Variants in CREB5 observed in about 807,000 individuals in gnomAD.
CREB5 encodes cAMP responsive element binding protein 5.
A neutral mutation model predicts 57.1 loss-of-function variants in CREB5; 19 were observed. The observed-to-expected ratio is 0.33, with a 90% CI of 0.23 to 0.49. The LOEUF is 0.49. Among genes scored for constraint, CREB5 ranks in the 20% least tolerant of loss-of-function variants. The pLI, the probability that CREB5 is intolerant of heterozygous loss-of-function variation, is 0.99. For missense variants in CREB5, 579 were observed against 671.6 expected (o/e 0.86, Z 1.52); for synonymous variants, 238 against 238.3 (o/e 1.00, Z 0.01).
intron 4 of CREB5, among the ~76,000 whole-genome samples, chr7:28,547,198 G>A (rs773275541): frequency 5.3e-5 from 8 of 152,152 alleles, no homozygotes; most frequent in Non-Finnish European, 1.0e-4. Context: ...TAGTCTATGC[G>A]TATTTAATTT....
At chr7:28,589,594 T>A (rs1366399299) in intron 5 of CREB5, among the ~76,000 whole-genome samples, 1 of 152,114 alleles carries the variant, frequency 6.6e-6, no homozygotes, top group African/African-American at 2.4e-5. Flanking sequence ...GAGTTGATAT[T>A]TCTTTGTGGT....
chr7:28,806,228 T>C (rs1257046537), intron 8 of CREB5, among the ~76,000 whole-genome samples: 1 of 152,240 alleles, frequency 6.6e-6, no homozygotes, highest in Non-Finnish European at 1.5e-5. Flanking sequence ...CAATAGTATA[T>C]GCAATTAGTT....
intron 1 of CREB5, among the ~76,000 whole-genome samples, chr7:28,393,149 ACTC>A (rs1787257234): frequency 6.6e-6 from 1 of 151,616 alleles, no homozygotes; most frequent in African/African-American, 2.4e-5. Context: ...CTGGTCTTGA[ACTC>A]CTCACCTCAG....
intron 7 of CREB5, among the ~76,000 whole-genome samples, chr7:28,761,074 A>C (rs1805615175): frequency 6.6e-6 from 1 of 152,168 alleles, no homozygotes; most frequent in Non-Finnish European, 1.5e-5. Flanking sequence ...TTAAACCAAA[A>C]TGAATATCGT....
chr7:28,479,665 A>C (rs143658952), intron 1 of CREB5, among the ~76,000 whole-genome samples: 1 of 152,332 alleles, frequency 6.6e-6, no homozygotes, highest in East Asian at 1.9e-4. Flanking sequence ...TCAGAACACA[A>C]CTGCTGGCTA....
chr7:28,616,692 T>C (rs1157533805), intron 5 of CREB5, among the ~76,000 whole-genome samples: 1 of 152,194 alleles, frequency 6.6e-6, no homozygotes, highest in Non-Finnish European at 1.5e-5. Context: ...TTCTATTTGT[T>C]TTAAACAAAT....
At chr7:28,596,582 A>G (rs796126660) in intron 5 of CREB5, among the ~76,000 whole-genome samples, 29 of 152,296 alleles carry the variant, frequency 1.9e-4, no homozygotes, top group African/African-American at 6.3e-4. Flanking sequence ...TCCTTTTGCT[A>G]TAAGTGAAGT....
chr7:28,449,075 G>A (rs1789650659), intron 1 of CREB5, among the ~76,000 whole-genome samples: 1 of 150,566 alleles, frequency 6.6e-6, no homozygotes, highest in African/African-American at 2.4e-5. Flanking sequence ...TTTTGTTCAA[G>A]TTTCTTCTTC....
chr7:28,404,505 T>G (rs913559430), intron 1 of CREB5, among the ~76,000 whole-genome samples: 2 of 152,186 alleles, frequency 1.3e-5, no homozygotes, highest in African/African-American at 4.8e-5. Flanking sequence ...TCCTGAGGCA[T>G]CATGAGCAAG....
intron 1 of CREB5, among the ~76,000 whole-genome samples, chr7:28,345,632 C>T (rs940702272): frequency 6.6e-6 from 1 of 152,156 alleles, no homozygotes; most frequent in African/African-American, 2.4e-5. Flanking sequence ...ACTAGACACA[C>T]TGTTCAAGGG....
intron 7 of CREB5, among the ~76,000 whole-genome samples, chr7:28,730,980 C>T (rs948716370): frequency 1.3e-5 from 2 of 152,124 alleles, no homozygotes; most frequent in Non-Finnish European, 2.9e-5. Context: ...TAGCTCAGGC[C>T]CCACCACCTC....
intron 5 of CREB5, among the ~76,000 whole-genome samples, chr7:28,688,647 T>G (rs1488598425): frequency 6.6e-6 from 1 of 152,170 alleles, no homozygotes; most frequent in Admixed American, 6.5e-5. Flanking sequence ...TATTTATGTA[T>G]CCGGGGTAGT....
intron 1 of CREB5, among the ~76,000 whole-genome samples, chr7:28,421,649 G>A (rs1160865045): frequency 6.6e-6 from 1 of 151,922 alleles, no homozygotes; most frequent in Non-Finnish European, 1.5e-5. Context: ...GGATCTGGGT[G>A]AGCCCTGTGT....
At chr7:28,488,060 G>T in intron 1 of CREB5, 115 bp from the exon 2 acceptor site, 2 of 814,884 alleles carry the variant, frequency 2.5e-6, no homozygotes, top group Non-Finnish European at 4.1e-6. Context: ...ATCTAATTTT[G>T]GTATTGGCAT....
chr7:28,396,489 A>C (rs1787338322), intron 1 of CREB5, among the ~76,000 whole-genome samples: 1 of 152,194 alleles, frequency 6.6e-6, no homozygotes, highest in South Asian at 2.1e-4. Context: ...GTGTCATTTA[A>C]AAATTGCAAA....
intron 1 of CREB5, among the ~76,000 whole-genome samples, chr7:28,385,715 G>A (rs576134110): frequency 6.6e-6 from 1 of 151,788 alleles, no homozygotes; most frequent in South Asian, 2.1e-4. Flanking sequence ...GAAAAAAGAG[G>A]TAAAATGGTA....
Position 28,722,040 on chromosome 7 carries a change from T to G in CREB5, c.592-2182T>G, listed in dbSNP as rs528630080. On this transcript the variant is annotated intron_variant, in intron 6 of 10. Transcript: ENST00000357727. Reference sequence around the variant, plus strand: ...GCTCCTGGTGCAGACAGAGCCTTATTAGTCCAAAGCACCAAATAGTTATTT... The same window carrying G: ...GCTCCTGGTGCAGACAGAGCCTTATGAGTCCAAAGCACCAAATAGTTATTT... Among the ~76,000 whole-genome samples, 4 of 152,230 alleles carry G rather than the reference T, an allele frequency of 2.6e-5. No homozygotes were observed. The East Asian group carries it at 5.8e-4, about 22-fold the overall frequency.
chr7:28,464,469 G>T lies in CREB5; in HGVS notation c.4-23706G>T, dbSNP rs76541469. 4.2e-3 allele frequency among the ~76,000 whole-genome samples: 634 copies of T among 150,554 alleles called. 2 individuals are homozygous for T. Among genetic ancestry groups the T allele is most frequent in the African/African-American group, 0.014 (580 of 40,738 alleles). On this transcript the variant is annotated intron_variant, in intron 1 of 10. Transcript: ENST00000357727. ...AGAATTTAGCAGTGAAGCCATCTGGGCCTGATCTCTCCTTTGTGGAAAGTT... is the reference window on the plus strand; with the variant it reads ...AGAATTTAGCAGTGAAGCCATCTGGTCCTGATCTCTCCTTTGTGGAAAGTT...
chr7:28,656,003 C>G (rs998318293), intron 5 of CREB5, among the ~76,000 whole-genome samples: 2 of 152,104 alleles, frequency 1.3e-5, no homozygotes, highest in Admixed American at 6.5e-5. Flanking sequence ...AGTTCATTAA[C>G]AAATTCTAAA....
Sources: allele counts gnomAD v4.1 joint callset (sites outside exome capture counted in the v4.1 genomes callset), GRCh38; gene constraint gnomAD v4.1.1; transcripts MANE v1.5; gene names NCBI Gene and HGNC (gene_info 2026-07-23, HGNC 2026-07-21).